The following INTS4 variants were observed in gnomAD, a reference collection of about 807,000 sequenced individuals.
INTS4 encodes MSTP093.
In INTS4, 70 loss-of-function variants were observed where a neutral mutation model predicts 119.5. The observed-to-expected ratio is 0.59, with a 90% confidence interval of 0.48 to 0.71. The LOEUF (loss-of-function observed/expected upper bound fraction) is 0.71. Ranked by LOEUF, INTS4 falls within the 30% of genes least tolerant of loss-of-function variation. INTS4 has a pLI of 0.00. For missense variants in INTS4, 867 were observed against 1,173.2 expected, an observed-to-expected ratio of 0.74 and a Z score of 3.81; for synonymous variants, 316 against 419.6, an observed-to-expected ratio of 0.75 and a Z score of 3.02.
chr11:77,989,467 AT>A (rs1436170574), intron 2 of INTS4, among the ~76,000 whole-genome samples: 1 of 152,196 alleles, frequency 6.6e-6, no homozygotes, highest in Non-Finnish European at 1.5e-5. Flanking sequence ...CTCAAAAAAA[AT>A]AATAACAAAA....
chr11:77,969,764 CAA>C (rs111328777), intron 4 of INTS4, among the ~76,000 whole-genome samples: 70 of 118,280 alleles, frequency 5.9e-4, no homozygotes, highest in Middle Eastern at 4.1e-3. Context: ...TCCCCTCCTG[CAA>C]AAAAAAAAAA....
rs764314282 is a variant in INTS4 at position 77,918,892 on chromosome 11, G to C, written c.1851C>G (p.Ser617Arg). The C allele has an allele frequency of 1.2e-6, 2 of 1,613,940 alleles. No homozygotes were observed. Among genetic ancestry groups the C allele is most frequent in the African/African-American group, 2.7e-5 (2 of 75,038 alleles). ...EDPSQQFLQQ[S>R]LERVYSLQHL... The stretch of plus-strand genomic sequence containing the variant: ...GCTGAAGACTATACACTCTTTCAAG[G>C]CTCTGCTGCAGGAACTGCTGGGAAG... Residue 617 changes from serine (S) to arginine (R), a missense_variant, in exon 15 of 23, where the codon AGC (serine) becomes AGG (arginine). Ser to Arg is a moderately radical substitution (Grantham distance 110). Coordinates refer to ENST00000534064, the MANE Select transcript of INTS4 (RefSeq NM_033547.4).
At chr11:77,926,790 G>C (rs1324207675) in intron 11 of INTS4, among the ~76,000 whole-genome samples, 1 of 147,386 alleles carries the variant, frequency 6.8e-6, no homozygotes, top group Non-Finnish European at 1.5e-5. Context: ...CCACCCTGGG[G>C]AACAGAGCGA....
chr11:77,899,410 G>A (rs1204374225), intron 18 of INTS4, among the ~76,000 whole-genome samples: 1 of 152,110 alleles, frequency 6.6e-6, no homozygotes, highest in Admixed American at 6.5e-5. Flanking sequence ...GGTGGCTCAC[G>A]CCTGTAATCC....
chr11:77,900,460 G>A (rs1372172279), intron 18 of INTS4: 5 of 549,632 alleles, frequency 9.1e-6, no homozygotes, highest in East Asian at 3.0e-5. Context: ...ATCAAGATAC[G>A]TGAAGAAATA....
chr11:77,884,646 G>A (rs760929949), intron 21 of INTS4: 3 of 220,174 alleles, frequency 1.4e-5, no homozygotes, highest in Non-Finnish European at 3.0e-5. Context: ...TTCCAATGTT[G>A]AAACTGTGGT....
intron 2 of INTS4, among the ~76,000 whole-genome samples, chr11:77,990,384 G>A (rs1856626468): frequency 6.6e-6 from 1 of 151,990 alleles, no homozygotes; most frequent in African/African-American, 2.4e-5. Flanking sequence ...GTGAGCCTCT[G>A]TCTCAAAAAC....
At chr11:77,960,596 C>T (rs115206433) in intron 5 of INTS4, among the ~76,000 whole-genome samples, 1 of 151,824 alleles carries the variant, frequency 6.6e-6, no homozygotes, top group African/African-American at 2.4e-5. Flanking sequence ...TGGACTGTCC[C>T]AAGAAGGTAT....
At chr11:77,924,610 T>C in intron 12 of INTS4, 140 bp downstream of exon 12, 1 of 650,782 alleles carries the variant, frequency 1.5e-6, no homozygotes, top group Non-Finnish European at 2.7e-6. Flanking sequence ...GAGAGTTCGG[T>C]TAAGTTGAAT....
At chr11:77,897,811 T>C (rs928121335) in intron 18 of INTS4, among the ~76,000 whole-genome samples, 21 of 151,696 alleles carry the variant, frequency 1.4e-4, no homozygotes, top group Non-Finnish European at 2.6e-4. Flanking sequence ...AGCCATATTA[T>C]TGTTATTATT....
intron 21 of INTS4, among the ~76,000 whole-genome samples, chr11:77,885,727 G>A (rs581807): frequency 0.38 from 57,325 of 151,800 alleles, 11,239 homozygotes; most frequent in African/African-American, 0.46. Context: ...GCTGAAGCAG[G>A]AGAATCACTT....
intron 2 of INTS4, among the ~76,000 whole-genome samples, chr11:77,989,254 G>A (rs1201591393): frequency 3.9e-5 from 6 of 152,020 alleles, no homozygotes; most frequent in Admixed American, 6.6e-5. Context: ...TTGGGAGGCC[G>A]AGGCAGGTGG....
chr11:77,931,291 T>C (rs1953642574), intron 10 of INTS4, among the ~76,000 whole-genome samples: 2 of 152,174 alleles, frequency 1.3e-5, no homozygotes, highest in South Asian at 4.1e-4. Context: ...ACTAGAAGTA[T>C]GTGAGGCACT....
intron 2 of INTS4, among the ~76,000 whole-genome samples, chr11:77,983,456 A>T (rs6592755): frequency 0.61 from 92,623 of 151,918 alleles, 28,743 homozygotes; most frequent in African/African-American, 0.71. Context: ...GAAATTAGTA[A>T]CAGAATATAT....
intron 20 of INTS4, 27 bp downstream of exon 20, chr11:77,891,654 G>C (rs1283347937): frequency 3.7e-6 from 6 of 1,610,820 alleles, no homozygotes; most frequent in African/African-American, 1.3e-5. Flanking sequence ...GACAGATTTG[G>C]CCTACAGGGG....
intron 15 of INTS4, chr11:77,915,024 T>G (rs1953174528): frequency 9.6e-6 from 2 of 208,108 alleles, no homozygotes; most frequent in South Asian, 1.9e-4. Context: ...TAATGCAGCT[T>G]CTTCACACCA....
Position 77,932,239 on chromosome 11 carries a change from C to A in INTS4, c.1166-3692G>T, listed in dbSNP as rs56068898. Among the ~76,000 whole-genome samples, 702 of 100,840 alleles carry A rather than the reference C, an allele frequency of 7.0e-3. 4 individuals are homozygous for A. Among genetic ancestry groups the A allele is most frequent in the African/African-American group, 0.023 (667 of 29,572 alleles). The allele number at this position is 100,840 out of a possible 152,430, so 66.2% of individuals were successfully genotyped here. On this transcript the variant is annotated intron_variant, in intron 10 of 22. Coordinates refer to ENST00000534064, the MANE Select transcript of INTS4 (RefSeq NM_033547.4). ...ATCTACAAGGAACTTAAACAAATTTCCAAAAAACAAAACAAAACAAAACAA... is the reference window on the plus strand; with the variant it reads ...ATCTACAAGGAACTTAAACAAATTTACAAAAAACAAAACAAAACAAAACAA...
chr11:77,934,200 T>C (rs1045082902), intron 10 of INTS4, among the ~76,000 whole-genome samples: 4 of 151,888 alleles, frequency 2.6e-5, no homozygotes, highest in African/African-American at 7.3e-5. Context: ...CAGCATGCTC[T>C]TTAAGAGTCA....
At chr11:77,945,574 C>T (rs574533786) in intron 8 of INTS4, among the ~76,000 whole-genome samples, 1 of 152,262 alleles carries the variant, frequency 6.6e-6, no homozygotes, top group African/African-American at 2.4e-5. Flanking sequence ...CGCTACCAAC[C>T]ATCCAGAAAA....
Sources: gnomAD v4.1 joint callset for allele counts (sites outside exome capture counted in the v4.1 genomes callset) on GRCh38, gnomAD v4.1.1 for gene constraint, MANE v1.5 for transcripts, NCBI Gene and HGNC (gene_info 2026-07-23, HGNC 2026-07-21) for gene names.